Variants in GRIA1 observed in about 807,000 individuals in gnomAD.
GRIA1 encodes glutamate ionotropic receptor AMPA type subunit 1, also known as glutamate receptor 1.
A neutral mutation model predicts 99.2 loss-of-function variants in GRIA1; 31 were observed. The ratio of observed to expected loss-of-function variants is 0.31; its 90% confidence interval spans 0.23 to 0.42. The LOEUF (loss-of-function observed/expected upper bound fraction) is 0.42, where lower values mean the gene tolerates loss of function less well. Ranked by LOEUF, GRIA1 falls within the 10% of genes least tolerant of loss-of-function variation. The pLI is 1.00. For synonymous variants in GRIA1, 438 were observed against 432.4 expected, an observed-to-expected ratio of 1.01 and a Z score of -0.16; for missense variants, 782 against 1,157.5, an observed-to-expected ratio of 0.68 and a Z score of 4.71.
At chr5:153,636,493 G>T (rs183014431) in intron 2 of GRIA1, among the ~76,000 whole-genome samples, 1 of 152,194 alleles carries the variant, frequency 6.6e-6, no homozygotes, top group East Asian at 1.9e-4. Flanking sequence ...ATTGTCTTTG[G>T]CTGCCTTCAT....
In GRIA1 at chr5:153,743,223, A is replaced by C. The variant is rs528383449; in HGVS notation, c.1824-21211A>C. ...CAGACACAAAAAAATGGCTTAAGGG[A>C]GTATTGTATAATGATTGTCAGTCAC... On this transcript the variant is annotated intron_variant, in intron 11 of 15. Coordinates refer to ENST00000285900, the MANE Select transcript of GRIA1 (RefSeq NM_000827.4). 2.6e-4 allele frequency among the ~76,000 whole-genome samples: 39 copies of C among 152,320 alleles called. No individual in the cohort carries two copies. In the South Asian group the frequency reaches 7.3e-3, roughly 28 times the overall value.
intron 11 of GRIA1, among the ~76,000 whole-genome samples, chr5:153,754,784 C>T (rs1450347991): frequency 6.6e-6 from 1 of 152,142 alleles, no homozygotes; most frequent in Non-Finnish European, 1.5e-5. Flanking sequence ...CATTCATTTA[C>T]TAATGAGGGC....
At chr5:153,582,143 T>A (rs1763099868) in intron 2 of GRIA1, among the ~76,000 whole-genome samples, 1 of 152,214 alleles carries the variant, frequency 6.6e-6, no homozygotes, top group African/African-American at 2.4e-5. Flanking sequence ...TATTATCCAA[T>A]GAATATTTGT....
chr5:153,801,550 C>G (rs1390319098), intron 14 of GRIA1, among the ~76,000 whole-genome samples: 1 of 152,232 alleles, frequency 6.6e-6, no homozygotes. Flanking sequence ...TGTGACCCTG[C>G]TCATCCCAAA....
chr5:153,617,905 A>G (rs1411048809), intron 2 of GRIA1, among the ~76,000 whole-genome samples: 1 of 152,152 alleles, frequency 6.6e-6, no homozygotes, highest in African/African-American at 2.4e-5. Context: ...CAAAACTCAC[A>G]TGTACACCAT....
chr5:153,675,147 G>T (rs1561755050), intron 6 of GRIA1, among the ~76,000 whole-genome samples: 1 of 152,168 alleles, frequency 6.6e-6, no homozygotes, highest in South Asian at 2.1e-4. Flanking sequence ...ATCGTATCTT[G>T]GAAAACTACC....
intron 2 of GRIA1, among the ~76,000 whole-genome samples, chr5:153,643,753 G>T (rs1753939674): frequency 6.6e-6 from 1 of 152,222 alleles, no homozygotes; most frequent in Non-Finnish European, 1.5e-5. Flanking sequence ...AGCCTTAGAG[G>T]AGAAAGCACT....
intron 2 of GRIA1, among the ~76,000 whole-genome samples, chr5:153,623,777 T>C (rs1767299283): frequency 6.6e-6 from 1 of 152,178 alleles, no homozygotes; most frequent in Non-Finnish European, 1.5e-5. Context: ...TAATGGCTCA[T>C]CTGTTGAATA....
intron 7 of GRIA1, among the ~76,000 whole-genome samples, chr5:153,683,587 C>A (rs1347997868): frequency 1.3e-5 from 2 of 152,094 alleles, no homozygotes; most frequent in Non-Finnish European, 2.9e-5. Flanking sequence ...GCAGGTAGGA[C>A]CCTTGACCTT....
chr5:153,642,895 T>C (rs1039549379), intron 2 of GRIA1, among the ~76,000 whole-genome samples: 2 of 152,170 alleles, frequency 1.3e-5, no homozygotes, highest in African/African-American at 4.8e-5. Flanking sequence ...CTTATTCACA[T>C]AGCAGGTTAA....
intron 11 of GRIA1, among the ~76,000 whole-genome samples, chr5:153,721,922 C>T (rs1431371665): frequency 6.6e-6 from 1 of 152,160 alleles, no homozygotes; most frequent in Non-Finnish European, 1.5e-5. Flanking sequence ...ATTGTAGATG[C>T]TACCAAACTG....
intron 2 of GRIA1, among the ~76,000 whole-genome samples, chr5:153,526,862 CTA>C (rs1757648633): frequency 6.6e-6 from 1 of 152,140 alleles, no homozygotes; most frequent in Non-Finnish European, 1.5e-5. Flanking sequence ...CTTCATGACT[CTA>C]TGCTAAATTT....
chr5:153,600,750 T>C (rs1764880119), intron 2 of GRIA1, among the ~76,000 whole-genome samples: 1 of 152,158 alleles, frequency 6.6e-6, no homozygotes, highest in South Asian at 2.1e-4. Flanking sequence ...TAAAAATTGA[T>C]TTCAGAGTTT....
intron 11 of GRIA1, among the ~76,000 whole-genome samples, chr5:153,751,761 A>G (rs2149590160): frequency 6.6e-6 from 1 of 152,360 alleles, no homozygotes; most frequent in Admixed American, 6.5e-5. Context: ...GTCCCATCAG[A>G]TCCTTACTAT....
At chr5:153,508,915 G>A (rs1755795963) in intron 2 of GRIA1, among the ~76,000 whole-genome samples, 1 of 152,278 alleles carries the variant, frequency 6.6e-6, no homozygotes, top group African/African-American at 2.4e-5. Context: ...TCTTTGTTTG[G>A]GTATTGAGGG....
chr5:153,774,758 G>A (rs929874879), intron 13 of GRIA1, among the ~76,000 whole-genome samples: 1 of 152,214 alleles, frequency 6.6e-6, no homozygotes, highest in Non-Finnish European at 1.5e-5. Context: ...TGACATCTAA[G>A]GCCCAAATGT....
chr5:153,783,046 G>C (rs1561857353), intron 13 of GRIA1, among the ~76,000 whole-genome samples: 1 of 152,318 alleles, frequency 6.6e-6, no homozygotes, highest in South Asian at 2.1e-4. Flanking sequence ...ACCTGCAGGA[G>C]CAGAGTTTTC....
chr5:153,498,944 T>A (rs987023869), intron 2 of GRIA1, among the ~76,000 whole-genome samples: 4 of 152,320 alleles, frequency 2.6e-5, no homozygotes, highest in African/African-American at 9.6e-5. Context: ...CTGATTTATA[T>A]CGTCAGCATT....
chr5:153,608,281 G>A (rs952484088), intron 2 of GRIA1, among the ~76,000 whole-genome samples: 4 of 152,024 alleles, frequency 2.6e-5, no homozygotes, highest in Non-Finnish European at 4.4e-5. Flanking sequence ...TCTCAAATTT[G>A]TGTCTTGATG....
Sources: gnomAD v4.1 joint callset for allele counts (sites outside exome capture counted in the v4.1 genomes callset) on GRCh38, gnomAD v4.1.1 for gene constraint, MANE v1.5 for transcripts, NCBI Gene and HGNC (gene_info 2026-07-23, HGNC 2026-07-21) for gene names.